The following DMD variants were observed in gnomAD, a reference collection of about 807,000 sequenced individuals.
DMD encodes mutant dystrophin.
In DMD, 63 loss-of-function variants were observed where a neutral mutation model predicts 330.1. The observed-to-expected ratio is 0.19, with a 90% CI of 0.16 to 0.24. The LOEUF (loss-of-function observed/expected upper bound fraction) is 0.24, where lower values mean the gene tolerates loss of function less well. DMD is among the 10% of genes least tolerant of loss of function. The pLI is 1.00. For missense variants in DMD, 3,344 were observed against 2,684.1 expected (o/e 1.25, Z -5.43); for synonymous variants, 1,223 against 959.8 (o/e 1.27, Z -5.07).
intron 78 of DMD, 146 bp from the exon 79 acceptor site, chrX:31,122,076 T>C: frequency 2.0e-6 from 1 of 501,409 alleles, no homozygotes; most frequent in Non-Finnish European, 3.5e-6. Flanking sequence ...ACAACAAGGT[T>C]TGATTTTTCA....
intron 1 of DMD, among the ~76,000 whole-genome samples, chrX:33,332,935 G>A (rs902545272): frequency 1.8e-5 from 2 of 111,097 alleles, no homozygotes; most frequent in Non-Finnish European, 3.8e-5. Context: ...GAAGGCTAGT[G>A]TACTTTCATA....
chrX:31,473,487 C>A (rs1358868101), intron 59 of DMD, among the ~76,000 whole-genome samples: 3 of 109,954 alleles, frequency 2.7e-5, no homozygotes, highest in Non-Finnish European at 3.8e-5. Context: ...TTTGGGAGGC[C>A]AAGGTGGGCG....
At chrX:32,214,224 TAAAAA>T (rs200083093) in intron 44 of DMD, among the ~76,000 whole-genome samples, 2,464 of 88,960 alleles carry the variant, frequency 0.028, 108 homozygotes, top group African/African-American at 0.096. Flanking sequence ...CTGAAACACT[TAAAAA>T]AAAAAAAAAA....
chrX:32,982,579 A>G (rs986288257), intron 2 of DMD, among the ~76,000 whole-genome samples: 1 of 111,660 alleles, frequency 9.0e-6, no homozygotes, highest in African/African-American at 3.3e-5. Context: ...TGCTGGTAAT[A>G]ATGCAGGAAT....
chrX:31,453,078 T>A (rs1447719027), intron 59 of DMD, among the ~76,000 whole-genome samples: 1 of 111,830 alleles, frequency 8.9e-6, no homozygotes. Flanking sequence ...AAATGAGTAT[T>A]CAGATTTATA....
chrX:32,823,250 A>G, intron 5 of DMD, 45 bp downstream of exon 5: 1 of 1,062,986 alleles, frequency 9.4e-7, no homozygotes, highest in Non-Finnish European at 1.3e-6. Flanking sequence ...ATTAAAAAAC[A>G]AGATTAATGT....
rs1017255301 is a variant in DMD, at chrX:31,627,827, T to C, written c.8063A>G (p.His2688Arg). ...CAGGGGGAACTGTTGCAGTAATCTATGAGTTTCTTCCAAAGCAGCCTCTCG... is the reference window on the plus strand; with the variant it reads ...CAGGGGGAACTGTTGCAGTAATCTACGAGTTTCTTCCAAAGCAGCCTCTCG... ...SEREAALEET[H>R]RLLQQFPLDL... The change falls in exon 55 of 79, where the codon CAT (histidine) becomes CGT (arginine). Residue 2688 changes from histidine to arginine, a missense_variant. By Grantham distance (29) the His-to-Arg change is conservative. Coordinates refer to ENST00000357033, the MANE Select transcript of DMD (RefSeq NM_004006.3). 1.7e-6 allele frequency: 2 copies of C among 1,210,406 alleles called. No homozygotes were observed. The highest frequency in any genetic ancestry group is 2.2e-5 in the Admixed American group (1 of 45,836).
intron 55 of DMD, among the ~76,000 whole-genome samples, chrX:31,570,682 TG>T (rs1198771018): frequency 1.0e-4 from 3 of 29,927 alleles, no homozygotes; most frequent in African/African-American, 4.6e-4. Context: ...TTAATAGGAT[TG>T]TTTATCTTAT....
At chrX:33,183,467 G>A (rs189682641) in intron 1 of DMD, among the ~76,000 whole-genome samples, 122 of 111,737 alleles carry the variant, frequency 1.1e-3, no homozygotes, top group Non-Finnish European at 1.9e-3. Context: ...ACACAGCTGC[G>A]CCTCTGGCTG....
intron 13 of DMD, among the ~76,000 whole-genome samples, chrX:32,590,895 C>A (rs1318239140): frequency 8.9e-6 from 1 of 111,833 alleles, no homozygotes; most frequent in Non-Finnish European, 1.9e-5. Context: ...ATGATAAACT[C>A]CTAAATGTAT....
intron 1 of DMD, among the ~76,000 whole-genome samples, chrX:33,140,000 C>CA (rs1213181526): frequency 2.7e-5 from 3 of 110,586 alleles, no homozygotes; most frequent in Non-Finnish European, 5.6e-5. Context: ...CTTTAAGGGA[C>CA]AGTGGTTCTG....
chrX:31,830,332 C>A (rs776822076), intron 49 of DMD, among the ~76,000 whole-genome samples: 1 of 112,904 alleles, frequency 8.9e-6, no homozygotes, highest in South Asian at 3.6e-4. Context: ...CAGTGGCTCA[C>A]GCCTGTAATC....
At chrX:31,699,149 A>C (rs2083634126) in intron 52 of DMD, among the ~76,000 whole-genome samples, 1 of 112,014 alleles carries the variant, frequency 8.9e-6, no homozygotes, top group Non-Finnish European at 1.9e-5. Context: ...TCTCAATTAT[A>C]GGGGCGTAAA....
chrX:32,448,537 G>A lies in DMD; in HGVS notation c.3705C>T (p.Ala1235=), dbSNP rs143628111. ...IAQAPPVAQE[A]LKKELETLTT... ...TTAGAGTTTCAAGTTCCTTTTTTAA[G>A]GCCTCTTGTGCTACAGGTGGAGCTT... Residue 1235 remains alanine (A), a synonymous_variant, in exon 27 of 79, where the codon GCC becomes GCT. Coordinates refer to ENST00000357033, the MANE Select transcript of DMD (RefSeq NM_004006.3). The A allele has an allele frequency of 2.6e-3, 3,196 of 1,206,657 alleles. 53 individuals are homozygous for A. The African/African-American group carries it at 0.05, about 19-fold the overall frequency.
At chrX:31,929,861 T>C in intron 46 of DMD, 116 bp from the exon 47 acceptor site, 4 of 884,307 alleles carry the variant, frequency 4.5e-6, no homozygotes, top group Non-Finnish European at 6.5e-6. Flanking sequence ...GAGGGCCCAG[T>C]GGTACCTCAA....
chrX:31,634,557 T>A (rs755843953), intron 54 of DMD, among the ~76,000 whole-genome samples: 31 of 111,413 alleles, frequency 2.8e-4, no homozygotes, highest in Admixed American at 5.7e-4. Flanking sequence ...TTTTATTTTT[T>A]AAAAAAAATA....
Position 31,929,583 on chromosome X carries a change from G to T in DMD, c.6912+13C>A. 8.3e-7 allele frequency: 1 copy of T among 1,209,238 alleles called. No individual in the cohort carries two copies. Among genetic ancestry groups the T allele is most frequent in the Non-Finnish European group, 1.1e-6 (1 of 893,839 alleles). On this transcript the variant is annotated intron_variant, in intron 47 of 78. Transcript: ENST00000357033. ...TTTAACACATGTGACGGAAGAGATG[G>T]TTAATGTCTAACCTTTATCCACTGG...
intron 44 of DMD, among the ~76,000 whole-genome samples, chrX:32,011,667 C>T (rs781489381): frequency 1.8e-5 from 2 of 111,331 alleles, no homozygotes; most frequent in Non-Finnish European, 3.8e-5. Context: ...AGGACAGGCC[C>T]CACCTGATCC....
intron 44 of DMD, among the ~76,000 whole-genome samples, chrX:32,109,967 C>T (rs12838930): frequency 0.22 from 24,941 of 110,939 alleles, 3,370 homozygotes; most frequent in African/African-American, 0.52. Flanking sequence ...TAACCATTCA[C>T]ATCCATGAGG....
Sources: gnomAD v4.1 joint callset for allele counts (sites outside exome capture counted in the v4.1 genomes callset) on GRCh38, gnomAD v4.1.1 for gene constraint, MANE v1.5 for transcripts, NCBI Gene and HGNC (gene_info 2026-07-23, HGNC 2026-07-21) for gene names.